Variants in EIF3J observed in about 807,000 individuals in gnomAD.
EIF3J encodes the protein eukaryotic translation initiation factor 3, subunit 1 (alpha, 35kD).
A neutral mutation model predicts 39.0 loss-of-function variants in EIF3J; 15 were observed. That is an observed-to-expected ratio of 0.38 (90% CI 0.26 to 0.59). The LOEUF is 0.59. EIF3J is among the 20% of genes least tolerant of loss of function. The probability of loss-of-function intolerance (pLI) is 0.60; values close to 1 mark genes in which losing one functional copy is unlikely to be tolerated. For synonymous variants in EIF3J, 98 were observed against 112.9 expected, an observed-to-expected ratio of 0.87 and a Z score of 0.84; for missense variants, 226 against 308.6, an observed-to-expected ratio of 0.73 and a Z score of 2.00.
At chr15:44,550,567 G>T in intron 2 of EIF3J, 1 of 180,376 alleles carries the variant, frequency 5.5e-6, no homozygotes, top group Non-Finnish European at 1.1e-5. Flanking sequence ...ATTTATAATA[G>T]CAACATACAA....
intron 2 of EIF3J, among the ~76,000 whole-genome samples, chr15:44,538,286 A>G (rs1467094424): frequency 2.7e-5 from 4 of 146,808 alleles, no homozygotes; most frequent in Non-Finnish European, 3.0e-5. Flanking sequence ...TTACTTCTAC[A>G]TGGTTTTTTT....
Position 44,557,207 on chromosome 15 carries a change from A to G in EIF3J, c.410-282A>G, listed in dbSNP as rs1444095079. On this transcript the variant is annotated intron_variant, in intron 5 of 7. Transcript: ENST00000261868. ...AGAGTGTGATCTCTCCTGGTAAGTC[A>G]AGTTTTGCTAATACCACTGTGATTT... Among the ~76,000 whole-genome samples the G allele has an allele frequency of 2.0e-5, 3 of 152,094 alleles. No homozygotes were observed. In the East Asian group the frequency reaches 5.8e-4, roughly 29 times the overall value.
chr15:44,543,417 C>CTTTTTTTT (rs759322625), intron 2 of EIF3J, among the ~76,000 whole-genome samples: 22 of 135,424 alleles, frequency 1.6e-4, no homozygotes, highest in African/African-American at 4.4e-4. Flanking sequence ...ATAGGAACCA[C>CTTTTTTTT]TTTTTTTTTT....
chr15:44,557,813 A>G (rs1475587623), intron 6 of EIF3J, 163 bp downstream of exon 6: 1 of 439,276 alleles, frequency 2.3e-6, no homozygotes, highest in African/African-American at 2.0e-5. Context: ...GATACAGTGA[A>G]TTTGAGTGCT....
chr15:44,545,113 T>A (rs1259160873), intron 2 of EIF3J, among the ~76,000 whole-genome samples: 1 of 152,224 alleles, frequency 6.6e-6, no homozygotes, highest in Non-Finnish European at 1.5e-5. Context: ...ATAATCCTTC[T>A]CTTTATGAGA....
At chr15:44,547,737 G>A (rs190191188) in intron 2 of EIF3J, among the ~76,000 whole-genome samples, 11 of 150,938 alleles carry the variant, frequency 7.3e-5, no homozygotes, top group Non-Finnish European at 1.3e-4. Flanking sequence ...CATGAGCCAC[G>A]CACCCGGCCT....
At chr15:44,559,420 AAT>A (rs1218223785) in intron 6 of EIF3J, among the ~76,000 whole-genome samples, 1 of 147,470 alleles carries the variant, frequency 6.8e-6, no homozygotes, top group African/African-American at 2.5e-5. Context: ...CAAAAAAAAA[AAT>A]AAAATAGGCC....
intron 4 of EIF3J, among the ~76,000 whole-genome samples, 155 bp from the exon 5 acceptor site, chr15:44,554,398 A>C (rs1351246776): frequency 2.0e-5 from 3 of 151,734 alleles, no homozygotes; most frequent in Admixed American, 6.6e-5. Flanking sequence ...AAAAAAAAAA[A>C]AACTAAAGTG....
At chr15:44,542,987 G>T (rs574189057) in intron 2 of EIF3J, among the ~76,000 whole-genome samples, 1 of 152,242 alleles carries the variant, frequency 6.6e-6, no homozygotes, top group East Asian at 1.9e-4. Flanking sequence ...CCTATTTTAA[G>T]TGTTAATTTT....
chr15:44,556,368 T>G (rs2412909), intron 5 of EIF3J, among the ~76,000 whole-genome samples: 15,124 of 152,046 alleles, frequency 0.099, 1,564 homozygotes, highest in African/African-American at 0.24. Context: ...TAGAGAAAGG[T>G]TCTTGCTCAG....
At chr15:44,559,760 C>T (rs909822790) in intron 6 of EIF3J, among the ~76,000 whole-genome samples, 2 of 151,900 alleles carry the variant, frequency 1.3e-5, no homozygotes, top group African/African-American at 4.8e-5. Context: ...TGTCTGTTCT[C>T]CCTGATTACT....
rs558392363 is a variant in EIF3J at position 44,552,119 on chromosome 15, C to T, written c.294+597C>T. On this transcript the variant is annotated intron_variant, in intron 4 of 7. Transcript: ENST00000261868. ...TACAGGTGTGAGCCACCGCGTCTGG[C>T]CAGGATTAGTTTTTATTTGCAGTGT... 4.1e-4 allele frequency among the ~76,000 whole-genome samples: 63 copies of T among 152,036 alleles called. 2 individuals are homozygous for T. In the South Asian group the frequency reaches 0.012, roughly 30 times the overall value.
chr15:44,551,655 C>T, intron 4 of EIF3J, 133 bp downstream of exon 4: 1 of 635,482 alleles, frequency 1.6e-6, no homozygotes, highest in Non-Finnish European at 2.5e-6. Context: ...TAGGTAAAAT[C>T]CAAAACAAAT....
In EIF3J at chr15:44,561,816, C is replaced by T. The variant is rs1219002224; in HGVS notation, c.*667C>T. 1 of 152,576 alleles carries T rather than the reference C, an allele frequency of 6.6e-6. No individual in the cohort carries two copies. Among genetic ancestry groups the T allele is most frequent in the Non-Finnish European group, 1.5e-5 (1 of 68,034 alleles). The allele number at this position is 152,576 out of a possible 1,614,324, so 9.5% of individuals were successfully genotyped here. A position where few individuals can be genotyped will look rare whatever the true frequency, so the allele number is the denominator to read the frequency against. ...AAAGACTGTCTAGTTATTTATCAGG[C>T]TATTTCTACTGATGAACTGCTTCAG... On this transcript the variant is annotated 3_prime_UTR_variant, in exon 8 of 8. Coordinates refer to ENST00000261868, the MANE Select transcript of EIF3J (RefSeq NM_003758.4).
rs1203074256 is a variant in EIF3J at position 44,561,810 on chromosome 15, A to G, written c.*661A>G. 6.6e-6 allele frequency: 1 copy of G among 152,618 alleles called. No homozygotes were observed. The highest frequency in any genetic ancestry group is 2.4e-5 in the African/African-American group (1 of 41,456). The allele number at this position is 152,618 out of a possible 1,614,324, so 9.5% of individuals were successfully genotyped here. A position where few individuals can be genotyped will look rare whatever the true frequency, so the allele number is the denominator to read the frequency against. On this transcript the variant is annotated 3_prime_UTR_variant, in exon 8 of 8. Coordinates refer to ENST00000261868, the MANE Select transcript of EIF3J (RefSeq NM_003758.4). ...GAGTGCAAAGACTGTCTAGTTATTTATCAGGCTATTTCTACTGATGAACTG... is the reference window on the plus strand; with the variant it reads ...GAGTGCAAAGACTGTCTAGTTATTTGTCAGGCTATTTCTACTGATGAACTG...
intron 7 of EIF3J, chr15:44,560,597 A>G: frequency 5.1e-6 from 2 of 395,032 alleles, no homozygotes; most frequent in East Asian, 4.1e-5. Flanking sequence ...CAGCTTTTCT[A>G]AGCTTCAGTC....
chr15:44,539,134 C>T (rs2081986818), intron 2 of EIF3J, among the ~76,000 whole-genome samples: 1 of 148,414 alleles, frequency 6.7e-6, no homozygotes, highest in South Asian at 2.1e-4. Context: ...TCAAGTGATT[C>T]TCCTGCTTCA....
chr15:44,558,445 C>T (rs1235787633), intron 6 of EIF3J, among the ~76,000 whole-genome samples: 1 of 150,748 alleles, frequency 6.6e-6, no homozygotes, highest in African/African-American at 2.4e-5. Flanking sequence ...AGGAGAATGG[C>T]ATGAACCTGG....
At chr15:44,541,626 A>G (rs995603600) in intron 2 of EIF3J, among the ~76,000 whole-genome samples, 1 of 152,268 alleles carries the variant, frequency 6.6e-6, no homozygotes, top group Non-Finnish European at 1.5e-5. Flanking sequence ...CCAGATAGGG[A>G]CAATTTTCAG....
Sources: allele counts gnomAD v4.1 joint callset (sites outside exome capture counted in the v4.1 genomes callset), GRCh38; gene constraint gnomAD v4.1.1; transcripts MANE v1.5; gene names NCBI Gene and HGNC (gene_info 2026-07-23, HGNC 2026-07-21).